The following NUFIP2 variants were observed in gnomAD, a reference collection of about 807,000 sequenced individuals.
NUFIP2 encodes FMR1-interacting protein NUFIP2.
A neutral mutation model predicts 56.9 loss-of-function variants in NUFIP2; 6 were observed. That is an observed-to-expected ratio of 0.11 (90% CI 0.06 to 0.21). NUFIP2 has a LOEUF of 0.21. Among genes scored for constraint, NUFIP2 ranks in the 10% least tolerant of loss-of-function variants. The probability of loss-of-function intolerance (pLI) is 1.00; values close to 1 mark genes in which losing one functional copy is unlikely to be tolerated. For synonymous variants in NUFIP2, 321 were observed against 298.2 expected (o/e 1.08, Z -0.79); for missense variants, 828 against 826.8 (o/e 1.00, Z -0.02).
At chr17:29,266,246 C>T (rs563143575) in intron 3 of NUFIP2, among the ~76,000 whole-genome samples, 4 of 152,246 alleles carry the variant, frequency 2.6e-5, no homozygotes, top group Admixed American at 2.0e-4. Flanking sequence ...GGATTCCAGG[C>T]GTGAGCCACC....
Position 29,276,035 on chromosome 17 carries a change from T to TAC in NUFIP2, c.2003-8506_2003-8505insGT, listed in dbSNP as rs1426235555. ...AGAGTAAGACTCCGTCTCAAATATA[T>TAC]ATATATATATATATCTGAAAGTGAC... is the stretch of plus-strand genomic sequence containing the variant. On this transcript the variant is annotated intron_variant, in intron 2 of 3. Transcript: ENST00000225388. Among the ~76,000 whole-genome samples, 3 of 149,466 alleles carry TAC rather than the reference T, an allele frequency of 2.0e-5. 1 individual carries two copies. Among genetic ancestry groups the TAC allele is most frequent in the African/African-American group, 7.5e-5 (3 of 40,232 alleles).
rs762390334 is a variant in NUFIP2 at position 29,286,826 on chromosome 17, T to A, written c.1168A>T (p.Thr390Ser). The change falls in exon 2 of 4, where the codon ACT (threonine) becomes TCT (serine). Residue 390 changes from threonine to serine, a missense_variant. Thr to Ser is a moderately conservative substitution (Grantham distance 58). Around this residue, in one of 3 missense-constraint regions of NUFIP2, gnomAD observed 404 missense variants for 380.3 expected, o/e 1.06. Coordinates refer to ENST00000225388, the MANE Select transcript of NUFIP2 (RefSeq NM_020772.3). ...SSSSSSSTGETQTQSSSRLSQ... is the reference protein window; with the variant it reads ...SSSSSSSTGESQTQSSSRLSQ... ...AAGCGACTTGATGATTGGGTCTGAG[T>A]TTCCCCGGTAGATGATGAAGATGAT... 1 of 1,614,158 alleles carries A rather than the reference T, an allele frequency of 6.2e-7. No individual in the cohort carries two copies. The highest frequency in any genetic ancestry group is 8.5e-7 in the Non-Finnish European group (1 of 1,180,022).
At chr17:29,287,740 T>TAA (rs34613266) in intron 1 of NUFIP2, 24 bp from the exon 2 acceptor site, 4 of 1,383,444 alleles carry the variant, frequency 2.9e-6, no homozygotes, top group Non-Finnish European at 3.9e-6. Flanking sequence ...AAAAAAGGAT[T>TAA]AAAAAAAAAA....
intron 1 of NUFIP2, among the ~76,000 whole-genome samples, chr17:29,289,595 A>G (rs2069198557): frequency 6.6e-6 from 1 of 152,142 alleles, no homozygotes; most frequent in Non-Finnish European, 1.5e-5. Flanking sequence ...TCCACTTCCA[A>G]AAAAAAGAAA....
rs1490307998 is a variant in NUFIP2 at position 29,256,987 on chromosome 17, C to T, written c.*7552G>A. Reference sequence around the variant, plus strand: ...TCCTACCTTTAAACCAGCTTTAAGACAAAAAATCGTCACCAAGTTCCATAT... The same window carrying T: ...TCCTACCTTTAAACCAGCTTTAAGATAAAAAATCGTCACCAAGTTCCATAT... On this transcript the variant is annotated 3_prime_UTR_variant, in exon 4 of 4. Transcript: ENST00000225388. The T allele has an allele frequency of 1.3e-5, 2 of 152,106 alleles. No individual in the cohort carries two copies. The highest frequency in any genetic ancestry group is 2.9e-5 in the Non-Finnish European group (2 of 67,990). The allele number at this position is 152,106 out of a possible 1,614,324, so 9.4% of individuals were successfully genotyped here.
intron 2 of NUFIP2, among the ~76,000 whole-genome samples, chr17:29,284,706 CAAA>C (rs66700326): frequency 1.9e-5 from 1 of 53,642 alleles, no homozygotes; most frequent in African/African-American, 7.9e-5. Flanking sequence ...GACTCCATCT[CAAA>C]AAAAAAAAAA....
At chr17:29,292,603 G>A (rs1279791456) in intron 1 of NUFIP2, among the ~76,000 whole-genome samples, 1 of 121,930 alleles carries the variant, frequency 8.2e-6, no homozygotes, top group Non-Finnish European at 1.8e-5. Flanking sequence ...GAATCCCCCC[G>A]CCGCCCCCCC....
chr17:29,290,983 A>G (rs1250473744), intron 1 of NUFIP2, among the ~76,000 whole-genome samples: 1 of 151,626 alleles, frequency 6.6e-6, no homozygotes, highest in East Asian at 1.9e-4. Context: ...ATCACCAAAC[A>G]ATGAAAAAAC....
In NUFIP2 at chr17:29,286,644, T is replaced by C. The variant is rs1302525649; in HGVS notation, c.1350A>G (p.Thr450=). 2 of 1,614,064 alleles carry C rather than the reference T, an allele frequency of 1.2e-6. No homozygotes were observed. The highest frequency in any genetic ancestry group is 1.7e-6 in the Non-Finnish European group (2 of 1,180,026). ...ANTLTPISSG[T]DSVLQDMSLT... is the part of the protein sequence containing the mutation. ...GACTCATGTCCTGGAGAACTGAATCTGTCCCAGAAGAGATGGGTGTTAGAG... is the reference window on the plus strand; with the variant it reads ...GACTCATGTCCTGGAGAACTGAATCCGTCCCAGAAGAGATGGGTGTTAGAG... The change falls in exon 2 of 4, where the codon ACA becomes ACG. Residue 450 remains threonine, a synonymous_variant. Coordinates refer to ENST00000225388, the MANE Select transcript of NUFIP2 (RefSeq NM_020772.3).
chr17:29,266,597 A>G (rs1050253607), intron 3 of NUFIP2, among the ~76,000 whole-genome samples: 4 of 151,986 alleles, frequency 2.6e-5, no homozygotes, highest in African/African-American at 7.2e-5. Context: ...TCAGGCTCCT[A>G]TAACAGCTAA....
intron 2 of NUFIP2, among the ~76,000 whole-genome samples, chr17:29,284,141 C>A (rs937214772): frequency 2.0e-5 from 3 of 152,100 alleles, no homozygotes; most frequent in African/African-American, 7.2e-5. Flanking sequence ...CCTTTCCCTG[C>A]AATTGTAAGT....
chr17:29,259,060 A>G lies in NUFIP2; in HGVS notation c.*5479T>C, dbSNP rs2068987015. On this transcript the variant is annotated 3_prime_UTR_variant, in exon 4 of 4. Coordinates refer to ENST00000225388, the MANE Select transcript of NUFIP2 (RefSeq NM_020772.3). ...ACTTTTGTTAACACCAAATCTTTAC[A>G]TCTAGCAAAAGAAATAAGCATTTTA... is the stretch of plus-strand genomic sequence containing the variant. 1.3e-5 allele frequency: 2 copies of G among 152,190 alleles called. No individual in the cohort carries two copies. The highest frequency in any genetic ancestry group is 4.8e-5 in the African/African-American group (2 of 41,452). The allele number at this position is 152,190 out of a possible 1,614,324, so 9.4% of individuals were successfully genotyped here. A position where few individuals can be genotyped will look rare whatever the true frequency, so the allele number is the denominator to read the frequency against.
At position 29,276,029 on chromosome 17, in the gene NUFIP2, A is replaced by AATATAT. The variant is rs71135888; in HGVS notation, c.2003-8505_2003-8500dup. ...GGTGACAGAGTAAGACTCCGTCTCA[A>AATATAT]ATATATATATATATATATATCTGAA... On this transcript the variant is annotated intron_variant, in intron 2 of 3. Coordinates refer to ENST00000225388, the MANE Select transcript of NUFIP2 (RefSeq NM_020772.3). Among the ~76,000 whole-genome samples the AATATAT allele has an allele frequency of 1.2e-3, 166 of 138,196 alleles. 6 individuals are homozygous for AATATAT. The highest frequency in any genetic ancestry group is 3.3e-3 in the South Asian group (13 of 3,956). The allele number at this position is 138,196 out of a possible 152,430, so 90.7% of individuals were successfully genotyped here.
Position 29,273,015 on chromosome 17 carries a change from AATAT to A in NUFIP2, c.2003-5489_2003-5486del, listed in dbSNP as rs3085674. Among the ~76,000 whole-genome samples the A allele has an allele frequency of 3.0e-3, 440 of 145,228 alleles. 1 individual carries two copies. Among genetic ancestry groups the A allele is most frequent in the South Asian group, 8.0e-3 (36 of 4,498 alleles). The stretch of plus-strand genomic sequence containing the variant: ...CAGGCACACGCCACCAGGCCCAGCT[AATAT>A]ATATATATATATATACACACACACA... On this transcript the variant is annotated intron_variant, in intron 2 of 3. Transcript: ENST00000225388.
At chr17:29,292,061 C>A (rs1271207797) in intron 1 of NUFIP2, among the ~76,000 whole-genome samples, 1 of 152,190 alleles carries the variant, frequency 6.6e-6, no homozygotes. Context: ...TTAAAATCTG[C>A]GTGGGTTATA....
At chr17:29,281,283 C>T (rs2069137949) in intron 2 of NUFIP2, among the ~76,000 whole-genome samples, 2 of 151,998 alleles carry the variant, frequency 1.3e-5, no homozygotes, top group South Asian at 4.2e-4. Context: ...GATCACGCCA[C>T]TGCACGCCAG....
At chr17:29,291,188 T>A (rs1225663477) in intron 1 of NUFIP2, among the ~76,000 whole-genome samples, 1 of 152,178 alleles carries the variant, frequency 6.6e-6, no homozygotes, top group Non-Finnish European at 1.5e-5. Flanking sequence ...AGAATAAATT[T>A]AAGAAATTAA....
At chr17:29,285,909 C>T (rs1447375383) in intron 2 of NUFIP2, 83 bp downstream of exon 2, 6 of 1,089,988 alleles carry the variant, frequency 5.5e-6, no homozygotes, top group African/African-American at 4.8e-5. Context: ...ATATGAACAA[C>T]TAATTCTCTT....
rs2069000714 is a variant in NUFIP2 at position 29,261,233 on chromosome 17, G to A, written c.*3306C>T. 1 of 151,898 alleles carries A rather than the reference G, an allele frequency of 6.6e-6. No individual in the cohort carries two copies. The allele number at this position is 151,898 out of a possible 1,614,324, so 9.4% of individuals were successfully genotyped here. ...AATAGGTCATAATTTCATTCTTAGTGCCATTTTTCAATACTACCCTTTTAA... is the reference window on the plus strand; with the variant it reads ...AATAGGTCATAATTTCATTCTTAGTACCATTTTTCAATACTACCCTTTTAA... On this transcript the variant is annotated 3_prime_UTR_variant, in exon 4 of 4. Coordinates refer to ENST00000225388, the MANE Select transcript of NUFIP2 (RefSeq NM_020772.3).
Sources: allele counts gnomAD v4.1 joint callset (sites outside exome capture counted in the v4.1 genomes callset), GRCh38; gene constraint gnomAD v4.1.1; regional missense constraint gnomAD v4.1.1; transcripts MANE v1.5; gene names NCBI Gene and HGNC (gene_info 2026-07-23, HGNC 2026-07-21).